The following CNTN4 variants were observed in gnomAD, a reference collection of about 807,000 sequenced individuals.
The protein encoded by CNTN4 is contactin-4.
CNTN4 carries 77 observed loss-of-function variants against 122.5 expected under a neutral mutation model. The observed-to-expected ratio is 0.63, with a 90% CI of 0.52 to 0.76. The LOEUF (loss-of-function observed/expected upper bound fraction) is 0.76. CNTN4 is among the 30% of genes least tolerant of loss of function. CNTN4 has a pLI of 0.00. For synonymous variants in CNTN4, 512 were observed against 447.0 expected (o/e 1.15, Z -1.83); for missense variants, 1,256 against 1,259.1 (o/e 1.00, Z 0.04).
chr3:2,331,098 C>T (rs974898767), intron 2 of CNTN4, among the ~76,000 whole-genome samples: 7 of 152,158 alleles, frequency 4.6e-5, no homozygotes, highest in African/African-American at 1.7e-4. Flanking sequence ...CTGCAGATTG[C>T]CAGCACATTG....
intron 23 of CNTN4, among the ~76,000 whole-genome samples, chr3:3,051,688 G>A (rs1454563083): frequency 6.6e-6 from 1 of 152,196 alleles, no homozygotes. Context: ...GGACACTTAT[G>A]AATCTTTCTA....
intron 4 of CNTN4, among the ~76,000 whole-genome samples, chr3:2,717,942 A>C (rs1407787646): frequency 2.0e-5 from 3 of 152,020 alleles, no homozygotes; most frequent in Admixed American, 2.0e-4. Flanking sequence ...TCATGTGTTT[A>C]TTGACCATTT....
intron 2 of CNTN4, among the ~76,000 whole-genome samples, chr3:2,287,757 GAAGAAGAAGAAGAAGA>G (rs2041990886): frequency 1.4e-5 from 2 of 146,220 alleles, no homozygotes; most frequent in Admixed American, 6.8e-5. Context: ...AGAAGAAGAA[GAAGAAGAAGAAGAAGA>G]AGAAGGAGAA....
intron 3 of CNTN4, among the ~76,000 whole-genome samples, chr3:2,396,995 A>G (rs1222826158): frequency 6.6e-6 from 1 of 152,206 alleles, no homozygotes; most frequent in Non-Finnish European, 1.5e-5. Context: ...GAAATTCAGT[A>G]TAAGGAAGCA....
At chr3:2,276,322 G>A (rs1192658979) in intron 2 of CNTN4, among the ~76,000 whole-genome samples, 2 of 152,004 alleles carry the variant, frequency 1.3e-5, no homozygotes, top group African/African-American at 4.8e-5. Context: ...ACAGGTGCAA[G>A]CCACTGTGCT....
At chr3:2,923,987 A>C (rs1262823315) in intron 12 of CNTN4, among the ~76,000 whole-genome samples, 1 of 152,082 alleles carries the variant, frequency 6.6e-6, no homozygotes, top group African/African-American at 2.4e-5. Flanking sequence ...CTACTTATTA[A>C]TTGCACTTAT....
chr3:2,197,173 A>G (rs1325068338), intron 2 of CNTN4, among the ~76,000 whole-genome samples: 1 of 152,070 alleles, frequency 6.6e-6, no homozygotes, highest in Admixed American at 6.5e-5. Context: ...ACAATTTGGC[A>G]TCACTTCCCT....
At chr3:2,325,949 CTT>C (rs2150246298) in intron 2 of CNTN4, among the ~76,000 whole-genome samples, 1 of 152,220 alleles carries the variant, frequency 6.6e-6, no homozygotes, top group African/African-American at 2.4e-5. Context: ...AAAATTATAA[CTT>C]GATACAGAGT....
At chr3:2,372,333 C>T (rs144015529) in intron 3 of CNTN4, among the ~76,000 whole-genome samples, 2 of 152,256 alleles carry the variant, frequency 1.3e-5, no homozygotes, top group South Asian at 2.1e-4. Flanking sequence ...TTATGAACAT[C>T]GTGGCTAGGA....
At chr3:2,856,297 C>A (rs919642247) in intron 7 of CNTN4, among the ~76,000 whole-genome samples, 12 of 151,478 alleles carry the variant, frequency 7.9e-5, no homozygotes, top group East Asian at 3.9e-4. Flanking sequence ...GGGCTGGTTG[C>A]TACGAGGCAA....
rs1210611429 is a variant in CNTN4, at chr3:2,369,527, A to G, written c.-89+30294A>G. Among the ~76,000 whole-genome samples the G allele has an allele frequency of 2.0e-5, 3 of 152,182 alleles. No individual in the cohort carries two copies. The East Asian group carries it at 5.8e-4, about 29-fold the overall frequency. On this transcript the variant is annotated intron_variant, in intron 3 of 24. Transcript: ENST00000418658. ...TTAGCAAGAGGTTGCAGCAATTATG[A>G]AAGTTGCCAGAAATCACAAATGTTC...
chr3:2,924,315 C>G (rs2094453754), intron 12 of CNTN4, among the ~76,000 whole-genome samples: 1 of 152,030 alleles, frequency 6.6e-6, no homozygotes, highest in South Asian at 2.1e-4. Flanking sequence ...CATTACCCCC[C>G]AAGCCCCCGC....
At chr3:2,449,430 C>T (rs1365982268) in intron 3 of CNTN4, among the ~76,000 whole-genome samples, 5 of 151,962 alleles carry the variant, frequency 3.3e-5, no homozygotes, top group Admixed American at 2.6e-4. Flanking sequence ...GCCTGGCCAA[C>T]ATGGCAAAAC....
At chr3:2,223,698 C>T (rs74969593) in intron 2 of CNTN4, among the ~76,000 whole-genome samples, 290 of 152,222 alleles carry the variant, frequency 1.9e-3, no homozygotes, top group Admixed American at 4.9e-3. Flanking sequence ...GATCACCATG[C>T]CTAGACTGTA....
At chr3:2,193,063 C>T (rs1480162667) in intron 2 of CNTN4, among the ~76,000 whole-genome samples, 1 of 152,150 alleles carries the variant, frequency 6.6e-6, no homozygotes, top group East Asian at 1.9e-4. Context: ...CAATCTTTCC[C>T]TTACTTATGA....
At chr3:2,337,172 G>A (rs950952952) in intron 2 of CNTN4, among the ~76,000 whole-genome samples, 2 of 151,924 alleles carry the variant, frequency 1.3e-5, no homozygotes, top group African/African-American at 2.4e-5. Context: ...TCTTTGCTCC[G>A]TGGTAGCTAA....
At chr3:2,541,744 ACCG>A (rs2078039004) in intron 3 of CNTN4, among the ~76,000 whole-genome samples, 1 of 152,092 alleles carries the variant, frequency 6.6e-6, no homozygotes, top group Non-Finnish European at 1.5e-5. Context: ...TTGTTCTCAG[ACCG>A]CCAAGGGCAA....
intron 13 of CNTN4, among the ~76,000 whole-genome samples, chr3:2,973,621 A>G (rs570163681): frequency 2.6e-5 from 4 of 152,176 alleles, no homozygotes; most frequent in African/African-American, 9.7e-5. Context: ...CTAAAATTCT[A>G]AAGACTGAAT....
At chr3:2,223,896 A>G (rs2039160250) in intron 2 of CNTN4, among the ~76,000 whole-genome samples, 1 of 152,138 alleles carries the variant, frequency 6.6e-6, no homozygotes, top group African/African-American at 2.4e-5. Context: ...GAAGGGTCAG[A>G]TGATTGAAGC....
Sources: allele counts gnomAD v4.1 joint callset (sites outside exome capture counted in the v4.1 genomes callset), GRCh38; gene constraint gnomAD v4.1.1; transcripts MANE v1.5; gene names NCBI Gene and HGNC (gene_info 2026-07-23, HGNC 2026-07-21).